CHRM3: variants seen among roughly 807,000 people sequenced by gnomAD.
CHRM3 encodes muscarinic acetylcholine receptor M3.
In CHRM3, 11 loss-of-function variants were observed where a neutral mutation model predicts 41.8. The ratio of observed to expected loss-of-function variants is 0.26; its 90% CI spans 0.17 to 0.44. The LOEUF (loss-of-function observed/expected upper bound fraction) is 0.44. CHRM3 is among the 20% of genes least tolerant of loss of function. The pLI is 1.00. For missense variants in CHRM3, 571 were observed against 745.4 expected, an observed-to-expected ratio of 0.77 and a Z score of 2.72; for synonymous variants, 297 against 301.4, an observed-to-expected ratio of 0.99 and a Z score of 0.15.
chr1:239,749,280 A>G (rs1019473585), intron 5 of CHRM3, among the ~76,000 whole-genome samples: 5 of 152,248 alleles, frequency 3.3e-5, no homozygotes, highest in East Asian at 3.9e-4. Context: ...TGTTCGGGCC[A>G]CTATGCTTGG....
chr1:239,687,913 T>A (rs755800310), intron 5 of CHRM3, among the ~76,000 whole-genome samples: 3 of 152,130 alleles, frequency 2.0e-5, no homozygotes, highest in Non-Finnish European at 2.9e-5. Flanking sequence ...GTCCACACAA[T>A]AATGAAATTA....
At chr1:239,434,915 C>T (rs550924327) in intron 1 of CHRM3, among the ~76,000 whole-genome samples, 1 of 152,230 alleles carries the variant, frequency 6.6e-6, no homozygotes, top group Admixed American at 6.5e-5. Context: ...CTTATGGAAA[C>T]GGAAGTGGAC....
intron 2 of CHRM3, among the ~76,000 whole-genome samples, chr1:239,520,754 TAC>T (rs1669588346): frequency 6.6e-6 from 1 of 152,218 alleles, no homozygotes; most frequent in Non-Finnish European, 1.5e-5. Flanking sequence ...TTCCAGCTCT[TAC>T]AGCAGTAAGC....
intron 3 of CHRM3, among the ~76,000 whole-genome samples, chr1:239,630,585 A>C (rs570439356): frequency 2.0e-5 from 3 of 152,320 alleles, no homozygotes; most frequent in Middle Eastern, 3.4e-3. Context: ...AGAAATGACT[A>C]CATCCTTGCA....
intron 4 of CHRM3, among the ~76,000 whole-genome samples, chr1:239,640,959 T>C (rs1242064402): frequency 6.6e-6 from 1 of 151,116 alleles, no homozygotes; most frequent in Non-Finnish European, 1.5e-5. Context: ...GATTCTGGTA[T>C]GTTGTGTCTT....
chr1:239,709,713 A>G (rs1043366042), intron 5 of CHRM3, among the ~76,000 whole-genome samples: 2 of 152,156 alleles, frequency 1.3e-5, no homozygotes, highest in African/African-American at 4.8e-5. Context: ...GAGTTCTTTA[A>G]CCTATGAGGC....
rs191811807 is a variant in CHRM3, at chr1:239,805,569, G to A, written c.-146-21683G>A. Among the ~76,000 whole-genome samples the A allele has an allele frequency of 2.5e-3, 373 of 152,238 alleles. 2 individuals carry two copies. The highest frequency in any genetic ancestry group is 6.8e-3 in the Middle Eastern group (2 of 294). On this transcript the variant is annotated intron_variant, in intron 5 of 6. Coordinates refer to ENST00000676153, the MANE Select transcript of CHRM3 (RefSeq NM_001375978.1). ...ACTGCCTCCTTCATGCTTTTTTAAA[G>A]CCTCTGCTCCAGCTGACCTTTCCTG... is the stretch of plus-strand genomic sequence containing the variant.
intron 5 of CHRM3, among the ~76,000 whole-genome samples, chr1:239,784,752 T>A (rs1668762333): frequency 6.6e-6 from 1 of 152,224 alleles, no homozygotes; most frequent in Non-Finnish European, 1.5e-5. Context: ...TGTTTTTGTT[T>A]CTTTATATTT....
intron 6 of CHRM3, among the ~76,000 whole-genome samples, chr1:239,829,873 A>G (rs1672760566): frequency 6.6e-6 from 1 of 152,234 alleles, no homozygotes; most frequent in Non-Finnish European, 1.5e-5. Context: ...ATAAGCACTT[A>G]GAACATTGCC....
At chr1:239,768,767 ATT>A (rs34982165) in intron 5 of CHRM3, among the ~76,000 whole-genome samples, 2,096 of 142,760 alleles carry the variant, frequency 0.015, 41 homozygotes, top group African/African-American at 0.047. Context: ...TTAAATGATA[ATT>A]TTTTTTTTTT....
At chr1:239,576,312 C>A (rs767812627) in intron 3 of CHRM3, among the ~76,000 whole-genome samples, 7 of 151,732 alleles carry the variant, frequency 4.6e-5, no homozygotes, top group Non-Finnish European at 1.0e-4. Flanking sequence ...GGCACTTACA[C>A]GTGAAATTAT....
chr1:239,510,375 A>G (rs183140789), intron 2 of CHRM3, among the ~76,000 whole-genome samples: 1 of 152,266 alleles, frequency 6.6e-6, no homozygotes, highest in Non-Finnish European at 1.5e-5. Flanking sequence ...TTAGGAAGAC[A>G]CTGTCTCCTC....
intron 3 of CHRM3, among the ~76,000 whole-genome samples, chr1:239,559,562 G>A (rs756030751): frequency 6.6e-5 from 10 of 152,136 alleles, no homozygotes; most frequent in Non-Finnish European, 1.5e-5. Context: ...TGCCTCATAA[G>A]ATTTCAGGGA....
chr1:239,881,509 A>T (rs1039577006), intron 6 of CHRM3, among the ~76,000 whole-genome samples: 1 of 152,022 alleles, frequency 6.6e-6, no homozygotes, highest in African/African-American at 2.4e-5. Flanking sequence ...GTAATCATTG[A>T]TTACCTCACC....
intron 5 of CHRM3, among the ~76,000 whole-genome samples, chr1:239,718,342 G>T (rs539709077): frequency 1.3e-5 from 2 of 151,980 alleles, no homozygotes; most frequent in Non-Finnish European, 2.9e-5. Context: ...TTACACTAGC[G>T]CTATACAAAC....
At chr1:239,865,590 C>G (rs148172308) in intron 6 of CHRM3, among the ~76,000 whole-genome samples, 150 of 152,166 alleles carry the variant, frequency 9.9e-4, no homozygotes, top group African/African-American at 3.4e-3. Context: ...GGTGGGAACA[C>G]CAGAGCACAT....
chr1:239,512,252 G>T (rs1388516556), intron 2 of CHRM3, among the ~76,000 whole-genome samples: 1 of 152,206 alleles, frequency 6.6e-6, no homozygotes, highest in Non-Finnish European at 1.5e-5. Flanking sequence ...TTTTCAAGCT[G>T]CAGGTCGAGT....
At chr1:239,642,802 C>G (rs1671324909) in intron 4 of CHRM3, among the ~76,000 whole-genome samples, 3 of 152,308 alleles carry the variant, frequency 2.0e-5, no homozygotes, top group African/African-American at 7.2e-5. Flanking sequence ...TGTTCCATTG[C>G]TGGTGAGGAG....
chr1:239,417,584 T>TG (rs1553296990), intron 1 of CHRM3, among the ~76,000 whole-genome samples: 8 of 151,324 alleles, frequency 5.3e-5, no homozygotes, highest in Non-Finnish European at 1.2e-4. Flanking sequence ...AATTTGTTTT[T>TG]TTTTTTTTTT....
Sources: gnomAD v4.1 joint callset for allele counts (sites outside exome capture counted in the v4.1 genomes callset) on GRCh38, gnomAD v4.1.1 for gene constraint, MANE v1.5 for transcripts, NCBI Gene and HGNC (gene_info 2026-07-23, HGNC 2026-07-21) for gene names.